The following ANKRD44 variants were observed in gnomAD, a reference collection of about 807,000 sequenced individuals.
The protein encoded by ANKRD44 is ankyrin repeat domain 44.
ANKRD44 carries 35 observed loss-of-function variants against 116.0 expected under a neutral mutation model. The ratio of observed to expected loss-of-function variants is 0.30; its 90% CI spans 0.23 to 0.40. The LOEUF (loss-of-function observed/expected upper bound fraction) is 0.40. Ranked by LOEUF, ANKRD44 falls within the 10% of genes least tolerant of loss-of-function variation. The pLI is 1.00. For synonymous variants in ANKRD44, 435 were observed against 461.8 expected, an observed-to-expected ratio of 0.94 and a Z score of 0.74; for missense variants, 1,014 against 1,242.6, an observed-to-expected ratio of 0.82 and a Z score of 2.77.
At position 197,136,679 on chromosome 2, in the gene ANKRD44, C is replaced by A. The variant is rs1349196919; in HGVS notation, c.191-17G>T. ...CACGAGCTCCTGGAATCAAACAGCA[C>A]AAGTTAGAGGCATAATGGGGTCAAG... On this transcript the variant is annotated splice_polypyrimidine_tract_variant and intron_variant, in intron 3 of 27. Transcript: ENST00000282272. The A allele has an allele frequency of 6.2e-7, 1 of 1,613,182 alleles. No homozygotes were observed. Among genetic ancestry groups the A allele is most frequent in the East Asian group, 2.2e-5 (1 of 44,896 alleles).
At chr2:197,147,428 T>TA (rs34720427) in intron 2 of ANKRD44, among the ~76,000 whole-genome samples, 12,182 of 142,840 alleles carry the variant, frequency 0.085, 1,088 homozygotes, top group African/African-American at 0.24. Flanking sequence ...TCAGGATGGT[T>TA]AAAAAAAAAA....
chr2:197,208,376 C>A (rs1375207950), intron 1 of ANKRD44, among the ~76,000 whole-genome samples: 1 of 152,138 alleles, frequency 6.6e-6, no homozygotes. Context: ...AGATAATAAG[C>A]AAAACTTCTA....
chr2:197,191,304 C>T (rs73991244), intron 1 of ANKRD44, among the ~76,000 whole-genome samples: 6,549 of 152,180 alleles, frequency 0.043, 486 homozygotes, highest in African/African-American at 0.15. Context: ...ACTACCTTTC[C>T]AGGAGTGTTG....
rs555902915 is a variant in ANKRD44 at position 197,093,258 on chromosome 2, A to G, written c.1101-3226T>C. Among the ~76,000 whole-genome samples, 6 of 152,322 alleles carry G rather than the reference A, an allele frequency of 3.9e-5. No homozygotes were observed. The South Asian group carries it at 1.0e-3, about 26-fold the overall frequency. ...ATTTGAGGAAATAGCATCAAACTCT[A>G]TAAGAAACCAATTGGGAAAAACAAA... On this transcript the variant is annotated intron_variant, in intron 10 of 27. Coordinates refer to ENST00000282272, the MANE Select transcript of ANKRD44 (RefSeq NM_001195144.2).
chr2:197,146,378 C>A (rs2079502351), intron 3 of ANKRD44, among the ~76,000 whole-genome samples: 1 of 152,112 alleles, frequency 6.6e-6, no homozygotes, highest in Non-Finnish European at 1.5e-5. Context: ...TAGTCACAGT[C>A]ATGTATCCAT....
chr2:197,280,317 A>C (rs555210773), intron 1 of ANKRD44, among the ~76,000 whole-genome samples: 1 of 152,240 alleles, frequency 6.6e-6, no homozygotes, highest in African/African-American at 2.4e-5. Flanking sequence ...GAAACAACAA[A>C]GAAAGCATCT....
At chr2:197,307,259 A>T (rs953224166) in intron 1 of ANKRD44, among the ~76,000 whole-genome samples, 1 of 152,230 alleles carries the variant, frequency 6.6e-6, no homozygotes, top group African/African-American at 2.4e-5. Context: ...CATACAAGGA[A>T]CTAATTACAT....
intron 6 of ANKRD44, among the ~76,000 whole-genome samples, chr2:197,123,070 T>C (rs1482373026): frequency 2.0e-5 from 3 of 152,208 alleles, no homozygotes; most frequent in South Asian, 2.1e-4. Context: ...TAATGAATAA[T>C]GGTGAGGTTT....
intron 2 of ANKRD44, among the ~76,000 whole-genome samples, chr2:197,181,275 CAACTGA>C (rs2080498600): frequency 6.6e-6 from 1 of 151,882 alleles, no homozygotes; most frequent in African/African-American, 2.4e-5. Context: ...GGGGACAATT[CAACTGA>C]AAAAAGGATA....
intron 3 of ANKRD44, among the ~76,000 whole-genome samples, chr2:197,137,552 G>A (rs1317508365): frequency 6.6e-6 from 1 of 152,246 alleles, no homozygotes; most frequent in Non-Finnish European, 1.5e-5. Flanking sequence ...ACGTGAACTA[G>A]AGGTTTAGTT....
At chr2:197,134,953 A>G (rs2079183344) in intron 4 of ANKRD44, 2 of 152,198 alleles carry the variant, frequency 1.3e-5, no homozygotes, top group African/African-American at 4.8e-5. Context: ...TTTCCCAGAC[A>G]AAATGGAAAT....
chr2:197,151,209 C>A (rs1021083744), intron 2 of ANKRD44, among the ~76,000 whole-genome samples: 5 of 151,812 alleles, frequency 3.3e-5, no homozygotes, highest in African/African-American at 1.2e-4. Flanking sequence ...GATAGATATG[C>A]CCTCAATCCA....
chr2:196,969,799 A>G (rs2075702379), intron 21 of ANKRD44, among the ~76,000 whole-genome samples: 1 of 152,230 alleles, frequency 6.6e-6, no homozygotes. Flanking sequence ...TGCTACGTTA[A>G]TAGTGTTCAG....
intron 2 of ANKRD44, among the ~76,000 whole-genome samples, chr2:197,184,915 A>C (rs2080616163): frequency 6.6e-6 from 1 of 152,210 alleles, no homozygotes; most frequent in Non-Finnish European, 1.5e-5. Flanking sequence ...AGGCTCCCCT[A>C]ACCTTTACCA....
At chr2:197,179,224 T>G (rs2080445114) in intron 2 of ANKRD44, among the ~76,000 whole-genome samples, 1 of 152,240 alleles carries the variant, frequency 6.6e-6, no homozygotes, top group Admixed American at 6.5e-5. Context: ...TTTTAATATA[T>G]TTTATGAAAC....
At position 197,099,832 on chromosome 2, in the gene ANKRD44, C is replaced by T; in HGVS notation, c.1084G>A (p.Gly362Arg). 8 of 1,614,062 alleles carry T rather than the reference C, an allele frequency of 5.0e-6. No individual in the cohort carries two copies. Among genetic ancestry groups the T allele is most frequent in the Non-Finnish European group, 6.8e-6 (8 of 1,179,984 alleles). ...GTAACCTACTTGGCTGTGTCAGCTC[C>T]GCTGGTTATTAAGGTGTTAATCAAA... ...ELLINTLITS[G>R]ADTAKCGIHS... is the part of the protein sequence containing the mutation. Residue 362 changes from glycine to arginine, a missense_variant, in exon 10 of 28, where the codon GGA becomes AGA. Physicochemically the swap from Gly to Arg is moderately radical, Grantham distance 125. Transcript: ENST00000282272.
At chr2:197,307,247 C>T (rs1021083501) in intron 1 of ANKRD44, among the ~76,000 whole-genome samples, 21 of 152,068 alleles carry the variant, frequency 1.4e-4, no homozygotes, top group African/African-American at 4.6e-4. Context: ...TCCTAATGTC[C>T]ACATACAAGG....
intron 16 of ANKRD44, among the ~76,000 whole-genome samples, chr2:197,044,606 G>A (rs965051725): frequency 3.9e-5 from 6 of 151,980 alleles, no homozygotes; most frequent in African/African-American, 4.8e-5. Context: ...GGTGATGCCC[G>A]CCTCGGCCTT....
rs1410895628 is a variant in ANKRD44, at chr2:196,989,794, C to T, written c.2924-145G>A. The T allele has an allele frequency of 2.7e-6, 4 of 1,456,670 alleles. No individual in the cohort carries two copies. The African/African-American group carries it at 5.7e-5, about 21-fold the overall frequency. 90.2% of individuals were successfully genotyped at this position (1,456,670 alleles called of 1,614,324 possible). A position where few individuals can be genotyped will look rare whatever the true frequency, so the allele number is the denominator to read the frequency against. ...TTTTTGCAGTCACACTTTTCACTGA[C>T]TTGGTATGACCTTGACTGAGAAGCT... is the stretch of plus-strand genomic sequence containing the variant. On this transcript the variant is annotated intron_variant, in intron 27 of 27. Coordinates refer to ENST00000282272, the MANE Select transcript of ANKRD44 (RefSeq NM_001195144.2).
Sources: allele counts gnomAD v4.1 joint callset (sites outside exome capture counted in the v4.1 genomes callset), GRCh38; gene constraint gnomAD v4.1.1; transcripts MANE v1.5; gene names NCBI Gene and HGNC (gene_info 2026-07-23, HGNC 2026-07-21).